Variants in CLDN16 observed in about 807,000 individuals in gnomAD.
The protein encoded by CLDN16 is claudin-16.
CLDN16 carries 13 observed loss-of-function variants against 24.6 expected under a neutral mutation model. The ratio of observed to expected loss-of-function variants is 0.53; its 90% CI spans 0.34 to 0.84. The LOEUF is 0.84. Ranked by LOEUF, CLDN16 falls within the 40% of genes least tolerant of loss-of-function variation. CLDN16 has a pLI of 0.01. For synonymous variants in CLDN16, 116 were observed against 106.7 expected, an observed-to-expected ratio of 1.09 and a Z score of -0.54; for missense variants, 298 against 292.7, an observed-to-expected ratio of 1.02 and a Z score of -0.13.
chr3:190,384,010 G>T (rs1398893786), upstream of CLDN16, among the ~76,000 whole-genome samples: 1 of 152,092 alleles, frequency 6.6e-6, no homozygotes, highest in Non-Finnish European at 1.5e-5. Context: ...CAAGAAGGCA[G>T]CCTCAGAAAT....
At chr3:190,348,950 G>C (rs867031479) in intron 1 of CLDN16, among the ~76,000 whole-genome samples, 2 of 152,282 alleles carry the variant, frequency 1.3e-5, no homozygotes, top group South Asian at 4.1e-4. Flanking sequence ...GTTTGCTAAA[G>C]ATAATGGTCT....
chr3:190,322,527 C>T, upstream of CLDN16: 9 of 337,162 alleles, frequency 2.7e-5, no homozygotes, highest in East Asian at 7.0e-5. Flanking sequence ...CTGGCGGTTT[C>T]AGGGCGGCTC....
At chr3:190,356,166 C>G (rs1717766791) in intron 1 of CLDN16, among the ~76,000 whole-genome samples, 1 of 151,364 alleles carries the variant, frequency 6.6e-6, no homozygotes, top group Admixed American at 6.6e-5. Flanking sequence ...TTTCAGGTTC[C>G]TATACCAAGA....
chr3:190,297,731 GAT>G, the CLDN16 span, among the ~76,000 whole-genome samples: 37,789 of 136,560 alleles, frequency 0.28, 5,334 homozygotes, highest in East Asian at 0.48. Flanking sequence ...TTATTTTTCA[GAT>G]ATATATATAT....
At chr3:190,370,533 C>T (rs1180672360) in intron 1 of CLDN16, among the ~76,000 whole-genome samples, 1 of 151,890 alleles carries the variant, frequency 6.6e-6, no homozygotes, top group Non-Finnish European at 1.5e-5. Context: ...GCATAACTTA[C>T]CTGCAGGGGT....
the CLDN16 span, among the ~76,000 whole-genome samples, chr3:190,300,797 T>A: frequency 6.6e-6 from 1 of 152,310 alleles, no homozygotes; most frequent in South Asian, 2.1e-4. Flanking sequence ...ACTGACACGT[T>A]TGGTTTCTAT....
chr3:190,394,813 C>G (rs942079119), intron 1 of CLDN16, among the ~76,000 whole-genome samples: 2 of 152,036 alleles, frequency 1.3e-5, no homozygotes, highest in Admixed American at 1.3e-4. Flanking sequence ...TTTTTTAAAG[C>G]AAGATTTCGT....
intron 3 of CLDN16, among the ~76,000 whole-genome samples, chr3:190,378,403 G>T (rs757935367): frequency 4.6e-5 from 7 of 151,940 alleles, no homozygotes; most frequent in Non-Finnish European, 7.4e-5. Flanking sequence ...CAGTACAATA[G>T]AACCTTCTAC....
At chr3:190,333,520 T>TATC (rs145016740) in intron 1 of CLDN16, among the ~76,000 whole-genome samples, 6,860 of 147,924 alleles carry the variant, frequency 0.046, 200 homozygotes, top group South Asian at 0.084. Flanking sequence ...CTAAAACAAT[T>TATC]ATCAGTCTAT....
In CLDN16 at chr3:190,410,625, C is replaced by T. The variant is rs1719253034; in HGVS notation, c.*589C>T. On this transcript the variant is annotated 3_prime_UTR_variant, in exon 5 of 5. Transcript: ENST00000264734. The stretch of plus-strand genomic sequence containing the variant: ...GTGAGAGTTAAAGACAAGAGCTGCC[C>T]CCCCACCCCCAAATGTCAAAGGCAA... 1 of 152,306 alleles carries T rather than the reference C, an allele frequency of 6.6e-6. No individual in the cohort carries two copies. Among genetic ancestry groups the T allele is most frequent in the African/African-American group, 2.4e-5 (1 of 41,278 alleles). 9.4% of individuals were successfully genotyped at this position (152,306 alleles called of 1,614,324 possible).
At chr3:190,380,841 G>C (rs750087180) in intron 3 of CLDN16, among the ~76,000 whole-genome samples, 1 of 151,910 alleles carries the variant, frequency 6.6e-6, no homozygotes, top group African/African-American at 2.4e-5. Context: ...AAGAAATCTG[G>C]ACAATCAAAG....
chr3:190,370,425 T>C (rs1718113842), intron 1 of CLDN16, among the ~76,000 whole-genome samples: 1 of 151,958 alleles, frequency 6.6e-6, no homozygotes, highest in South Asian at 2.1e-4. Flanking sequence ...ATGATTTGAG[T>C]GTCATACATC....
chr3:190,299,846 C>T, the CLDN16 span, among the ~76,000 whole-genome samples: 22 of 152,152 alleles, frequency 1.4e-4, no homozygotes, highest in Admixed American at 1.2e-3. Context: ...CTCATTTCTC[C>T]TTTTTGCCTT....
intron 1 of CLDN16, among the ~76,000 whole-genome samples, chr3:190,347,210 C>G (rs371339156): frequency 1.3e-5 from 2 of 151,940 alleles, no homozygotes; most frequent in African/African-American, 4.8e-5. Flanking sequence ...GGGATGGCAA[C>G]GTATAGATGA....
chr3:190,359,462 C>T (rs1030773329), intron 1 of CLDN16, among the ~76,000 whole-genome samples: 1 of 152,036 alleles, frequency 6.6e-6, no homozygotes, highest in African/African-American at 2.4e-5. Context: ...TGCAATCCTA[C>T]AGTTGTTTCT....
In CLDN16 at chr3:190,388,280, C is replaced by A. The variant is rs1006196806; in HGVS notation, c.-50C>A. 6.2e-7 allele frequency: 1 copy of A among 1,606,132 alleles called. No individual in the cohort carries two copies. The highest frequency in any genetic ancestry group is 8.5e-7 in the Non-Finnish European group (1 of 1,174,934). The stretch of plus-strand genomic sequence containing the variant: ...ACTGACACCCGCCACTTAAGTGGGG[C>A]CAGGGCTGGTGTCTGCCCATGTTGC... On this transcript the variant is annotated 5_prime_UTR_variant, in exon 1 of 5. Transcript: ENST00000264734.
At chr3:190,391,208 G>GTTTTTTTTTTTTTTTTTTT (rs57481102) in intron 1 of CLDN16, among the ~76,000 whole-genome samples, 1 of 135,772 alleles carries the variant, frequency 7.4e-6, no homozygotes. Context: ...TACTTTTCCA[G>GTTTTTTTTTTTTTTTTTTT]TTTTTTTTTT....
At chr3:190,364,946 T>C (rs1717986529) in intron 1 of CLDN16, among the ~76,000 whole-genome samples, 1 of 151,792 alleles carries the variant, frequency 6.6e-6, no homozygotes, top group South Asian at 2.1e-4. Context: ...GATCTGTCTC[T>C]TCTTTTTTTT....
At chr3:190,361,258 A>G (rs1008944747) in intron 1 of CLDN16, among the ~76,000 whole-genome samples, 4 of 152,008 alleles carry the variant, frequency 2.6e-5, no homozygotes, top group Non-Finnish European at 5.9e-5. Context: ...ATTGGCTTTA[A>G]CTATTGCATT....
Sources: gnomAD v4.1 joint callset for allele counts (sites outside exome capture counted in the v4.1 genomes callset) on GRCh38, gnomAD v4.1.1 for gene constraint, MANE v1.5 for transcripts, NCBI Gene and HGNC (gene_info 2026-07-23, HGNC 2026-07-21) for gene names.